IL18R1: variants seen among roughly 807,000 people sequenced by gnomAD.
IL18R1 encodes the protein interleukin-18 receptor 1.
A neutral mutation model predicts 48.5 loss-of-function variants in IL18R1; 40 were observed. The ratio of observed to expected loss-of-function variants is 0.82; its 90% confidence interval spans 0.64 to 1.07. The LOEUF (loss-of-function observed/expected upper bound fraction) is 1.07, where lower values mean the gene tolerates loss of function less well. IL18R1 is among the 50% of genes least tolerant of loss of function. IL18R1 has a pLI of 0.00. For missense variants in IL18R1, 596 were observed against 633.7 expected, an observed-to-expected ratio of 0.94 and a Z score of 0.64; for synonymous variants, 232 against 225.9, an observed-to-expected ratio of 1.03 and a Z score of -0.24.
At chr2:102,387,926 AG>A (rs1680333154) in intron 8 of IL18R1, among the ~76,000 whole-genome samples, 1 of 152,138 alleles carries the variant, frequency 6.6e-6, no homozygotes, top group South Asian at 2.1e-4. Flanking sequence ...TGAGAGAGAC[AG>A]GGAGAGACAC....
In IL18R1 at chr2:102,398,280, A is replaced by T. The variant is rs1680922229; in HGVS notation, c.*1394A>T. 6.6e-6 allele frequency: 1 copy of T among 152,384 alleles called. No individual in the cohort carries two copies. Among genetic ancestry groups the T allele is most frequent in the Non-Finnish European group, 1.5e-5 (1 of 68,038 alleles). The allele number at this position is 152,384 out of a possible 1,614,324, so 9.4% of individuals were successfully genotyped here. A position where few individuals can be genotyped will look rare whatever the true frequency, so the allele number is the denominator to read the frequency against. ...ACTGGGAGCCTTCTTGATGATCTCA[A>T]AAATAATAGCTATTCAAGAAAATCA... On this transcript the variant is annotated 3_prime_UTR_variant, in exon 11 of 11. Transcript: ENST00000233957.
intron 3 of IL18R1, among the ~76,000 whole-genome samples, chr2:102,368,326 C>T (rs1024167220): frequency 3.9e-5 from 6 of 152,182 alleles, no homozygotes; most frequent in Admixed American, 2.6e-4. Flanking sequence ...TGACAAGTGA[C>T]GATTGCATGA....
intron 4 of IL18R1, among the ~76,000 whole-genome samples, chr2:102,372,784 C>T (rs909171119): frequency 2.6e-5 from 4 of 152,100 alleles, no homozygotes; most frequent in Non-Finnish European, 4.4e-5. Context: ...TAACTAATCC[C>T]ATTGTTATTG....
intron 5 of IL18R1, among the ~76,000 whole-genome samples, chr2:102,378,105 A>G (rs1417688979): frequency 2.0e-5 from 3 of 152,140 alleles, no homozygotes; most frequent in African/African-American, 7.2e-5. Context: ...CTTTCCCACC[A>G]TCTTTGCTTT....
chr2:102,396,908 A>C lies in IL18R1; in HGVS notation c.*22A>C, dbSNP rs189394847. On this transcript the variant is annotated 3_prime_UTR_variant, in exon 11 of 11. Coordinates refer to ENST00000233957, the MANE Select transcript of IL18R1 (RefSeq NM_003855.5). ...TTAATCTTCAGAAACAGTGAACGCC[A>C]AAAAGAACTCAAGATATTCTGGGGA... is the stretch of plus-strand genomic sequence containing the variant. The C allele has an allele frequency of 1.4e-5, 20 of 1,429,158 alleles. No individual in the cohort carries two copies. The highest frequency in any genetic ancestry group is 6.4e-5 in the Admixed American group (3 of 46,758). 88.5% of individuals were successfully genotyped at this position (1,429,158 alleles called of 1,614,324 possible).
chr2:102,358,747 G>A (rs1446917675), intron 1 of IL18R1, among the ~76,000 whole-genome samples: 2 of 152,082 alleles, frequency 1.3e-5, no homozygotes, highest in East Asian at 3.9e-4. Context: ...GGTGAGAGCT[G>A]GTGGCCTAGA....
chr2:102,367,866 G>A lies in IL18R1; in HGVS notation c.100G>A (p.Glu34Lys), dbSNP rs1223706178. ...SRPHITVVEG[E>K]PFYLKHCSCS... Reference sequence around the variant, plus strand: ...TCCCCACATTACTGTGGTTGAAGGGGAACCTTTCTATCTGAAACATTGCTC... The same window carrying A: ...TCCCCACATTACTGTGGTTGAAGGGAAACCTTTCTATCTGAAACATTGCTC... Residue 34 changes from glutamate to lysine, a missense_variant, in exon 3 of 11, where the codon GAA becomes AAA. Glu to Lys is a moderately conservative substitution (Grantham distance 56). Coordinates refer to ENST00000233957, the MANE Select transcript of IL18R1 (RefSeq NM_003855.5). 3.7e-6 allele frequency: 6 copies of A among 1,613,708 alleles called. No homozygotes were observed. Among genetic ancestry groups the A allele is most frequent in the African/African-American group, 1.3e-5 (1 of 74,932 alleles).
intron 2 of IL18R1, among the ~76,000 whole-genome samples, chr2:102,363,124 G>GA (rs1310940449): frequency 4.6e-5 from 7 of 151,530 alleles, no homozygotes; most frequent in Non-Finnish European, 8.8e-5. Context: ...AGACTGGCTA[G>GA]ACCAAGGAGC....
Position 102,384,903 on chromosome 2 carries a change from T to C in IL18R1, c.714T>C (p.Ser238=). ...ELGKNVRLNC[S]ALLNEEDVIY... is the part of the protein sequence containing the mutation. ...GAAAAAACGTAAGGCTCAACTGCTC[T>C]GCTTTGCTGAATGAAGAGGATGTAA... The change falls in exon 7 of 11, where the codon TCT becomes TCC. Residue 238 remains serine, a synonymous_variant. Transcript: ENST00000233957. 7.4e-6 allele frequency: 12 copies of C among 1,611,392 alleles called. No homozygotes were observed. Among genetic ancestry groups the C allele is most frequent in the African/African-American group, 1.3e-5 (1 of 74,994 alleles).
At chr2:102,392,585 G>A (rs986996800) in intron 9 of IL18R1, among the ~76,000 whole-genome samples, 1 of 152,138 alleles carries the variant, frequency 6.6e-6, no homozygotes, top group Non-Finnish European at 1.5e-5. Flanking sequence ...ATATAAGTAT[G>A]AAGATAAAAA....
chr2:102,385,515 G>T (rs2105106522), intron 7 of IL18R1, among the ~76,000 whole-genome samples: 1 of 152,290 alleles, frequency 6.6e-6, no homozygotes, highest in African/African-American at 2.4e-5. Context: ...GAATGACTTT[G>T]GGTCATACTG....
chr2:102,381,620 A>G lies in IL18R1; in HGVS notation c.626A>G (p.Asp209Gly). The change falls in exon 6 of 11, where the codon GAT becomes GGT. Residue 209 changes from aspartate to glycine, a missense_variant and splice_region_variant. Transcript: ENST00000233957. Reference protein sequence around the residue: ...TKTFNITIVEDRSNIVPVLLG... With the variant: ...TKTFNITIVEGRSNIVPVLLG... ...TTGTCTTTTCTTTTGTCACTTCTAGATCGCAGTAATATAGTTCCGGTTCTT... is the reference window on the plus strand; with the variant it reads ...TTGTCTTTTCTTTTGTCACTTCTAGGTCGCAGTAATATAGTTCCGGTTCTT... 6.2e-7 allele frequency: 1 copy of G among 1,611,934 alleles called. No homozygotes were observed. The highest frequency in any genetic ancestry group is 1.7e-4 in the Middle Eastern group (1 of 6,048).
At chr2:102,364,990 C>G (rs1233901736) in intron 2 of IL18R1, among the ~76,000 whole-genome samples, 2 of 152,104 alleles carry the variant, frequency 1.3e-5, no homozygotes, top group East Asian at 3.9e-4. Context: ...ACACATGGGG[C>G]TTATGGGAAC....
intron 3 of IL18R1, among the ~76,000 whole-genome samples, chr2:102,371,404 A>G (rs1299554536): frequency 6.6e-6 from 1 of 152,188 alleles, no homozygotes; most frequent in African/African-American, 2.4e-5. Context: ...TTTGGTCAGT[A>G]AGGCATTTAA....
At chr2:102,374,942 T>C (rs893381564) in intron 4 of IL18R1, among the ~76,000 whole-genome samples, 5 of 152,150 alleles carry the variant, frequency 3.3e-5, no homozygotes, top group African/African-American at 1.2e-4. Flanking sequence ...AGATAATTGA[T>C]TGGAAAGGAA....
Position 102,367,883 on chromosome 2 carries a change from A to G in IL18R1, c.117A>G (p.Lys39=), listed in dbSNP as rs1295739636. The part of the protein sequence containing the change: ...TVVEGEPFYL[K]HCSCSLAHEI... ...TTGAAGGGGAACCTTTCTATCTGAA[A>G]CATTGCTCGTGTTCACTTGCACATG... The change falls in exon 3 of 11, where the codon AAA becomes AAG. Residue 39 remains lysine (K), a synonymous_variant. Coordinates refer to ENST00000233957, the MANE Select transcript of IL18R1 (RefSeq NM_003855.5). 1 of 1,614,018 alleles carries G rather than the reference A, an allele frequency of 6.2e-7. No individual in the cohort carries two copies. Among genetic ancestry groups the G allele is most frequent in the Non-Finnish European group, 8.5e-7 (1 of 1,179,882 alleles).
In IL18R1 at chr2:102,371,944, A is replaced by G. The variant is rs1679289448; in HGVS notation, c.303-9A>G. ...CATTATAAAATACCTTTACACTTTT[A>G]TTCCATAGAAATTATACTCAGAAAT... On this transcript the variant is annotated splice_polypyrimidine_tract_variant and intron_variant, in intron 3 of 10. Coordinates refer to ENST00000233957, the MANE Select transcript of IL18R1 (RefSeq NM_003855.5). 2.7e-6 allele frequency: 4 copies of G among 1,472,726 alleles called. No individual in the cohort carries two copies. The highest frequency in any genetic ancestry group is 2.3e-4 in the Middle Eastern group (1 of 4,328). The allele number at this position is 1,472,726 out of a possible 1,614,324, so 91.2% of individuals were successfully genotyped here. A position where few individuals can be genotyped will look rare whatever the true frequency, so the allele number is the denominator to read the frequency against.
In IL18R1 at chr2:102,385,281, G is replaced by A. The variant is rs538736093; in HGVS notation, c.809+283G>A. On this transcript the variant is annotated intron_variant, in intron 7 of 10. Transcript: ENST00000233957. ...AGTAGCACTTGGTCAGTCAGGATCC[G>A]ATGGGGATGGGGATTTTACTTAGCT... is the stretch of plus-strand genomic sequence containing the variant. Among the ~76,000 whole-genome samples, 61 of 152,284 alleles carry A rather than the reference G, an allele frequency of 4.0e-4. No individual in the cohort carries two copies. The South Asian group carries it at 0.011, about 28-fold the overall frequency.
At chr2:102,394,660 A>C in intron 10 of IL18R1, 33 bp downstream of exon 10, 1 of 1,548,794 alleles carries the variant, frequency 6.5e-7, no homozygotes, top group South Asian at 1.2e-5. Context: ...AAAATATTCA[A>C]GATAGTTTCT....
Sources: allele counts gnomAD v4.1 joint callset (sites outside exome capture counted in the v4.1 genomes callset), GRCh38; gene constraint gnomAD v4.1.1; transcripts MANE v1.5; gene names NCBI Gene and HGNC (gene_info 2026-07-23, HGNC 2026-07-21).